The following SART3 variants were observed in gnomAD, a reference collection of about 807,000 sequenced individuals.
The protein encoded by SART3 is spliceosome associated factor 3, U4/U6 recycling protein.
In SART3, 44 loss-of-function variants were observed where a neutral mutation model predicts 122.3. The observed-to-expected ratio is 0.36, with a 90% CI of 0.28 to 0.46. The LOEUF (loss-of-function observed/expected upper bound fraction) is 0.46, where lower values mean the gene tolerates loss of function less well. Ranked by LOEUF, SART3 falls within the 20% of genes least tolerant of loss-of-function variation. The pLI is 1.00. For missense variants in SART3, 1,101 were observed against 1,229.0 expected (o/e 0.90, Z 1.56); for synonymous variants, 442 against 454.0 (o/e 0.97, Z 0.34).
rs764223051 is a variant in SART3, at chr12:108,532,309, G to C, written c.1582C>G (p.Arg528Gly). 1 of 1,613,838 alleles carries C rather than the reference G, an allele frequency of 6.2e-7. No homozygotes were observed. The highest frequency in any genetic ancestry group is 1.7e-5 in the Admixed American group (1 of 59,990). ...TGGACGGCCCGGTGCAGAGCCTTCCGGCAGTGCTGGGTGTCACCATGAGCT... is the reference window on the plus strand; with the variant it reads ...TGGACGGCCCGGTGCAGAGCCTTCCCGCAGTGCTGGGTGTCACCATGAGCT... ...ERAHGDTQHC[R>G]KALHRAVQCT... Residue 528 changes from arginine (R) to glycine (G), a missense_variant, in exon 13 of 19, where the codon CGG becomes GGG. Coordinates refer to ENST00000546815, the MANE Select transcript of SART3 (RefSeq NM_014706.4).
At chr12:108,550,017 A>G (rs1193889178) in intron 1 of SART3, among the ~76,000 whole-genome samples, 44 of 91,282 alleles carry the variant, frequency 4.8e-4, no homozygotes, top group African/African-American at 1.4e-3. Flanking sequence ...CAATCTCAAA[A>G]AAAAAAAAAA....
rs550248988 is a variant in SART3 at position 108,533,044 on chromosome 12, C to G, written c.1557-710G>C. Among the ~76,000 whole-genome samples the G allele has an allele frequency of 1.4e-3, 219 of 152,304 alleles. 1 individual carries two copies. Among genetic ancestry groups the G allele is most frequent in the Middle Eastern group, 3.4e-3 (1 of 294 alleles). On this transcript the variant is annotated intron_variant, in intron 12 of 18. Coordinates refer to ENST00000546815, the MANE Select transcript of SART3 (RefSeq NM_014706.4). The stretch of plus-strand genomic sequence containing the variant: ...TCTGCTAATCATAACTGTTATGCAA[C>G]AGTGTATTCATATTTGTTTTTAAAA...
intron 1 of SART3, 120 bp downstream of exon 1, chr12:108,560,723 A>G (rs1187014839): frequency 1.2e-6 from 1 of 832,090 alleles, no homozygotes; most frequent in Non-Finnish European, 1.8e-6. Context: ...ACTGTCACGA[A>G]AAGCGGGTTT....
chr12:108,523,067 G>A lies in SART3; in HGVS notation c.*390C>T, dbSNP rs755132573. 1.3e-4 allele frequency: 28 copies of A among 213,068 alleles called. No homozygotes were observed. Among genetic ancestry groups the A allele is most frequent in the Non-Finnish European group, 1.9e-4 (20 of 105,858 alleles). The allele number at this position is 213,068 out of a possible 1,614,324, so 13.2% of individuals were successfully genotyped here. A position where few individuals can be genotyped will look rare whatever the true frequency, so the allele number is the denominator to read the frequency against. On this transcript the variant is annotated 3_prime_UTR_variant, in exon 19 of 19. Transcript: ENST00000546815. ...CATCTTTTAAAATTAAAAGAATGAC[G>A]GGCACATGTGCTGTGCAGGGTGGAA...
chr12:108,524,154 G>A (rs994536748), intron 18 of SART3, 162 bp downstream of exon 18: 29 of 721,006 alleles, frequency 4.0e-5, no homozygotes, highest in Middle Eastern at 3.8e-4. Context: ...TGCTCTGGAC[G>A]CCTTGCTCCA....
intron 1 of SART3, among the ~76,000 whole-genome samples, chr12:108,559,710 CT>C (rs2030400899): frequency 6.7e-6 from 1 of 148,716 alleles, no homozygotes; most frequent in African/African-American, 2.5e-5. Flanking sequence ...TCCATCTCTT[CT>C]GTTTGCCCCC....
At chr12:108,555,543 T>G (rs1475356063) in intron 1 of SART3, among the ~76,000 whole-genome samples, 1 of 152,178 alleles carries the variant, frequency 6.6e-6, no homozygotes, top group Non-Finnish European at 1.5e-5. Flanking sequence ...CACATGCCTG[T>G]GGTCCCAGCT....
chr12:108,532,411 C>T, intron 12 of SART3, 77 bp from the exon 13 acceptor site: 1 of 1,157,866 alleles, frequency 8.6e-7, no homozygotes, highest in Non-Finnish European at 1.3e-6. Flanking sequence ...CGTCTTCTCC[C>T]AGGTAGAAAC....
rs1248177020 is a variant in SART3, at chr12:108,524,362, T to C, written c.2668A>G (p.Arg890Gly). 6.2e-7 allele frequency: 1 copy of C among 1,614,102 alleles called. No individual in the cohort carries two copies. The highest frequency in any genetic ancestry group is 8.5e-7 in the Non-Finnish European group (1 of 1,180,024). The change falls in exon 18 of 19, where the codon AGG (arginine) becomes GGG (glycine). Residue 890 changes from arginine (R) to glycine (G), a missense_variant. Transcript: ENST00000546815. ...QRKVPEKPET[R>G]KAPGGPMLLP... ...AGCATGGGGCCACCTGGTGCCTTCCTGGTCTCCGGCTTCTCTGGAACTTTC... is the reference window on the plus strand; with the variant it reads ...AGCATGGGGCCACCTGGTGCCTTCCCGGTCTCCGGCTTCTCTGGAACTTTC...
At chr12:108,547,848 A>T in intron 3 of SART3, 39 bp downstream of exon 3, 1 of 1,421,740 alleles carries the variant, frequency 7.0e-7, no homozygotes, top group Non-Finnish European at 9.9e-7. Flanking sequence ...GATATATATG[A>T]CATTGCCAGA....
At chr12:108,527,628 A>G (rs1872445327) in intron 15 of SART3, among the ~76,000 whole-genome samples, 2 of 152,236 alleles carry the variant, frequency 1.3e-5, no homozygotes, top group Admixed American at 1.3e-4. Context: ...ATCCTCAGTC[A>G]TTTAGGAAAG....
intron 18 of SART3, 140 bp downstream of exon 18, chr12:108,524,176 G>A: frequency 1.2e-6 from 1 of 816,064 alleles, no homozygotes; most frequent in Non-Finnish European, 2.1e-6. Context: ...TGGAACCACA[G>A]TGATTACCAC....
rs568549864 is a variant in SART3 at position 108,532,657 on chromosome 12, T to A, written c.1557-323A>T. 8.4e-6 allele frequency: 3 copies of A among 355,250 alleles called. No individual in the cohort carries two copies. In the East Asian group the frequency reaches 2.1e-4, roughly 25 times the overall value. 22.0% of individuals were successfully genotyped at this position (355,250 alleles called of 1,614,324 possible). ...GGCGGGGGAGTCCAACAGCTCTCTG[T>A]AACCTGATACAGTCCCCAGGGAAAT... On this transcript the variant is annotated intron_variant, in intron 12 of 18. Coordinates refer to ENST00000546815, the MANE Select transcript of SART3 (RefSeq NM_014706.4).
chr12:108,538,075 T>A lies in SART3; in HGVS notation c.1191A>T (p.Gln397His), dbSNP rs1872992217. ...CAAAAACATCCGCACCAGAAATTAC[T>A]TGATGATCAACTCCATGTCTCTCCA... is the stretch of plus-strand genomic sequence containing the variant. ...LAMERHGVDH[Q>H]VISVTFEKAL... Residue 397 changes from glutamine (Q) to histidine (H), a missense_variant, in exon 8 of 19, where the codon CAA becomes CAT. Gln to His is a conservative substitution (Grantham distance 24). This residue lies in a region of SART3 where 885 missense variants were observed against 1,080.1 expected (regional missense o/e 0.82). Coordinates refer to ENST00000546815, the MANE Select transcript of SART3 (RefSeq NM_014706.4). 1.9e-6 allele frequency: 3 copies of A among 1,614,184 alleles called. No individual in the cohort carries two copies. In the East Asian group the frequency reaches 6.7e-5, roughly 36 times the overall value.
At chr12:108,533,388 CAA>C (rs34737993) in intron 12 of SART3, among the ~76,000 whole-genome samples, 5 of 129,990 alleles carry the variant, frequency 3.8e-5, no homozygotes, top group Non-Finnish European at 1.6e-5. Flanking sequence ...TGGTTATTGC[CAA>C]AAAAAAAAAA....
chr12:108,560,561 G>A (rs1372178183), intron 1 of SART3: 2 of 458,834 alleles, frequency 4.4e-6, no homozygotes, highest in South Asian at 5.0e-5. Context: ...GTGTTATCTT[G>A]AGCAAGAAAC....
intron 18 of SART3, chr12:108,524,048 G>T (rs1872254617): frequency 5.2e-6 from 3 of 571,936 alleles, no homozygotes; most frequent in Non-Finnish European, 3.1e-6. Context: ...TGGCAAAGGG[G>T]ACTTTAAAAT....
At chr12:108,530,084 T>C (rs1872595724) in intron 15 of SART3, 58 bp downstream of exon 15, 1 of 1,593,990 alleles carries the variant, frequency 6.3e-7, no homozygotes, top group African/African-American at 1.3e-5. Context: ...TCATACTGTA[T>C]TCGCAACTTC....
chr12:108,526,009 A>T lies in SART3; in HGVS notation c.2370+90T>A, dbSNP rs554566075. The stretch of plus-strand genomic sequence containing the variant: ...GATCCAAACAGAGCGTAAAACTTCC[A>T]TGTCTATCCTAAATATCACTGCTGC... On this transcript the variant is annotated intron_variant, in intron 16 of 18. Coordinates refer to ENST00000546815, the MANE Select transcript of SART3 (RefSeq NM_014706.4). 90 of 1,094,568 alleles carry T rather than the reference A, an allele frequency of 8.2e-5. No individual in the cohort carries two copies. The Admixed American group carries it at 1.6e-3, about 20-fold the overall frequency. The allele number at this position is 1,094,568 out of a possible 1,614,324, so 67.8% of individuals were successfully genotyped here.
Sources: gnomAD v4.1 joint callset for allele counts (sites outside exome capture counted in the v4.1 genomes callset) on GRCh38, gnomAD v4.1.1 for gene constraint, gnomAD v4.1.1 regional missense constraint, MANE v1.5 for transcripts, NCBI Gene and HGNC (gene_info 2026-07-23, HGNC 2026-07-21) for gene names.